The following ANKIB1 variants were observed in gnomAD, a reference collection of about 807,000 sequenced individuals.
ANKIB1 encodes the protein ankyrin repeat and IBR domain containing 1.
Under a neutral mutation model 122.1 loss-of-function variants are expected in ANKIB1, and 43 were observed. The observed-to-expected ratio is 0.35, with a 90% confidence interval of 0.28 to 0.45. ANKIB1 has a LOEUF of 0.45. Ranked by LOEUF, ANKIB1 falls within the 20% of genes least tolerant of loss-of-function variation. The pLI, the probability that ANKIB1 is intolerant of heterozygous loss-of-function variation, is 1.00. For missense variants in ANKIB1, 992 were observed against 1,329.5 expected (o/e 0.75, Z 3.95); for synonymous variants, 390 against 442.0 (o/e 0.88, Z 1.48).
intron 2 of ANKIB1, among the ~76,000 whole-genome samples, chr7:92,299,546 T>C (rs747882444): frequency 3.9e-5 from 6 of 152,190 alleles, no homozygotes; most frequent in Non-Finnish European, 8.8e-5. Flanking sequence ...CTCACTTTCC[T>C]AACTATATAA....
chr7:92,302,316 C>G (rs1315870591), intron 2 of ANKIB1, among the ~76,000 whole-genome samples: 1 of 152,126 alleles, frequency 6.6e-6, no homozygotes, highest in African/African-American at 2.4e-5. Context: ...AGTAAAGCAC[C>G]TGTTTGGAAT....
chr7:92,352,208 C>T (rs1803680192), intron 8 of ANKIB1, among the ~76,000 whole-genome samples: 1 of 152,046 alleles, frequency 6.6e-6, no homozygotes, highest in African/African-American at 2.4e-5. Flanking sequence ...TACATTTTTG[C>T]TTTATCATCA....
At chr7:92,356,649 A>G (rs1342382133) in intron 9 of ANKIB1, among the ~76,000 whole-genome samples, 2 of 152,218 alleles carry the variant, frequency 1.3e-5, no homozygotes, top group South Asian at 4.1e-4. Context: ...TGGCTTGGTG[A>G]TAAACATCCT....
chr7:92,373,146 A>G (rs1804311186), intron 11 of ANKIB1, among the ~76,000 whole-genome samples: 1 of 152,160 alleles, frequency 6.6e-6, no homozygotes, highest in South Asian at 2.1e-4. Context: ...CAGTGTTGTG[A>G]GCAAAATATT....
rs1411006640 is a variant in ANKIB1, at chr7:92,401,015, A to C, written c.*2066A>C. 1 of 152,262 alleles carries C rather than the reference A, an allele frequency of 6.6e-6. No individual in the cohort carries two copies. Among genetic ancestry groups the C allele is most frequent in the African/African-American group, 2.4e-5 (1 of 41,466 alleles). 9.4% of individuals were successfully genotyped at this position (152,262 alleles called of 1,614,324 possible). On this transcript the variant is annotated 3_prime_UTR_variant, in exon 20 of 20. Coordinates refer to ENST00000265742, the MANE Select transcript of ANKIB1 (RefSeq NM_019004.2). Reference sequence around the variant, plus strand: ...AATGCTCTGTGTGAAGACAGTGTACACAATGGGTTCCGGTTTCCTTGCACC... The same window carrying C: ...AATGCTCTGTGTGAAGACAGTGTACCCAATGGGTTCCGGTTTCCTTGCACC...
intron 11 of ANKIB1, among the ~76,000 whole-genome samples, chr7:92,383,940 AG>A (rs549637602): frequency 2.2e-4 from 33 of 152,322 alleles, no homozygotes; most frequent in Middle Eastern, 3.4e-3. Context: ...GAAAAGAGGA[AG>A]TCAGATTGTC....
chr7:92,376,750 A>T (rs1465934854), intron 11 of ANKIB1, among the ~76,000 whole-genome samples: 2 of 151,950 alleles, frequency 1.3e-5, no homozygotes, highest in East Asian at 3.9e-4. Flanking sequence ...TGCCCGGCCT[A>T]CCTTGCACTT....
At chr7:92,326,692 CA>C (rs2131956827) in intron 4 of ANKIB1, among the ~76,000 whole-genome samples, 1 of 152,156 alleles carries the variant, frequency 6.6e-6, no homozygotes, top group African/African-American at 2.4e-5. Flanking sequence ...AGCTTAAAAG[CA>C]AATTGTATGT....
rs566323582 is a variant in ANKIB1 at position 92,401,161 on chromosome 7, G to T, written c.*2212G>T. The T allele has an allele frequency of 6.6e-6, 1 of 152,126 alleles. No individual in the cohort carries two copies. The highest frequency in any genetic ancestry group is 2.4e-5 in the African/African-American group (1 of 41,506). The allele number at this position is 152,126 out of a possible 1,614,324, so 9.4% of individuals were successfully genotyped here. On this transcript the variant is annotated 3_prime_UTR_variant, in exon 20 of 20. Transcript: ENST00000265742. ...ACACAGTCATTGACTTTACAATTCA[G>T]TAATGAAGTTTGGCAAAGCCTATTT...
chr7:92,327,695 T>C (rs758471709), intron 4 of ANKIB1, 88 bp from the exon 5 acceptor site: 1 of 557,254 alleles, frequency 1.8e-6, no homozygotes, highest in Non-Finnish European at 2.9e-6. Flanking sequence ...CGTGGATACA[T>C]TGGACTGACT....
intron 11 of ANKIB1, among the ~76,000 whole-genome samples, chr7:92,381,906 G>A (rs906403643): frequency 2.0e-5 from 3 of 152,292 alleles, no homozygotes; most frequent in Middle Eastern, 6.8e-3. Context: ...AACCTTAAAT[G>A]TAAATGGGCT....
chr7:92,371,953 GTGTGTGTGTGTGTGTGTGT>G (rs1804269057), intron 11 of ANKIB1, among the ~76,000 whole-genome samples: 1 of 6,366 alleles, frequency 1.6e-4, no homozygotes, highest in Admixed American at 1.4e-3. Flanking sequence ...AGAGAGGGGT[GTGTGTGTGTGTGTGTGTGT>G]GTGTGTGTGT....
intron 1 of ANKIB1, among the ~76,000 whole-genome samples, chr7:92,250,501 T>C (rs1317875497): frequency 6.6e-6 from 1 of 152,256 alleles, no homozygotes. Flanking sequence ...TATGGTTAAC[T>C]GTAACAGATC....
At chr7:92,278,815 C>G (rs1235357492) in intron 1 of ANKIB1, among the ~76,000 whole-genome samples, 7 of 152,122 alleles carry the variant, frequency 4.6e-5, no homozygotes, top group Non-Finnish European at 1.0e-4. Flanking sequence ...GGAAAGCTTC[C>G]TTTAGTAATC....
At chr7:92,377,299 T>C (rs1197307187) in intron 11 of ANKIB1, among the ~76,000 whole-genome samples, 2 of 152,030 alleles carry the variant, frequency 1.3e-5, no homozygotes, top group African/African-American at 4.8e-5. Flanking sequence ...GAATGACTAG[T>C]TAGTGAGGTG....
chr7:92,392,428 G>A, intron 17 of ANKIB1, 136 bp downstream of exon 17: 1 of 665,900 alleles, frequency 1.5e-6, no homozygotes. Flanking sequence ...AAAATGCCTT[G>A]ACAGAGCCTA....
At chr7:92,294,003 G>A (rs1802301573) in intron 1 of ANKIB1, among the ~76,000 whole-genome samples, 1 of 152,172 alleles carries the variant, frequency 6.6e-6, no homozygotes, top group Admixed American at 6.5e-5. Flanking sequence ...TTTCCATGCT[G>A]TACAGATGGG....
At chr7:92,255,606 A>G (rs974636377) in intron 1 of ANKIB1, among the ~76,000 whole-genome samples, 4 of 152,198 alleles carry the variant, frequency 2.6e-5, no homozygotes, top group African/African-American at 9.7e-5. Context: ...GGATGGGGCC[A>G]AGATAAAGCA....
At chr7:92,288,405 A>G (rs1802180378) in intron 1 of ANKIB1, among the ~76,000 whole-genome samples, 1 of 152,206 alleles carries the variant, frequency 6.6e-6, no homozygotes, top group East Asian at 1.9e-4. Flanking sequence ...AATATTGTTA[A>G]AATGTTTGTT....
Sources: gnomAD v4.1 joint callset for allele counts (sites outside exome capture counted in the v4.1 genomes callset) on GRCh38, gnomAD v4.1.1 for gene constraint, MANE v1.5 for transcripts, NCBI Gene and HGNC (gene_info 2026-07-23, HGNC 2026-07-21) for gene names.